Variants in CNBD1 observed in about 807,000 individuals in gnomAD.
The protein encoded by CNBD1 is cyclic nucleotide-binding domain-containing protein 1.
CNBD1 carries 71 observed loss-of-function variants against 54.4 expected under a neutral mutation model. That is an observed-to-expected ratio of 1.30 (90% CI 1.08 to 1.59). The LOEUF (loss-of-function observed/expected upper bound fraction) is 1.59. Among genes scored for constraint, CNBD1 ranks in the 40% most tolerant of loss-of-function variants. The pLI, the probability that CNBD1 is intolerant of heterozygous loss-of-function variation, is 0.00. For missense variants in CNBD1, 659 were observed against 518.0 expected (o/e 1.27, Z -2.64); for synonymous variants, 182 against 170.7 (o/e 1.07, Z -0.51).
intron 4 of CNBD1, among the ~76,000 whole-genome samples, chr8:87,136,408 A>G (rs923378429): frequency 1.5e-4 from 23 of 149,100 alleles, no homozygotes; most frequent in African/African-American, 5.2e-4. Flanking sequence ...GTAGATTTTT[A>G]TGGGAAATTT....
intron 2 of CNBD1, among the ~76,000 whole-genome samples, chr8:87,391,207 G>A (rs28812635): frequency 0.011 from 1,664 of 151,982 alleles, 40 homozygotes; most frequent in African/African-American, 0.038. Context: ...AAACCTGCAC[G>A]TTGTGCACAT....
At chr8:87,284,883 C>G in intron 7 of CNBD1, 68 bp downstream of exon 7, 1 of 1,131,744 alleles carries the variant, frequency 8.8e-7, no homozygotes, top group African/African-American at 1.6e-5. Context: ...TTTTGATTCT[C>G]TAGACAAAGA....
intron 4 of CNBD1, among the ~76,000 whole-genome samples, chr8:87,201,373 C>T (rs1279421380): frequency 6.6e-6 from 1 of 152,092 alleles, no homozygotes; most frequent in Non-Finnish European, 1.5e-5. Context: ...AGTGAATGTT[C>T]TAGTTAAGAC....
intron 10 of CNBD1, among the ~76,000 whole-genome samples, chr8:87,363,327 T>A (rs933693357): frequency 1.3e-5 from 2 of 152,152 alleles, no homozygotes; most frequent in Admixed American, 1.3e-4. Flanking sequence ...TGTGCCTTTA[T>A]AGTAGAATGA....
intron 4 of CNBD1, among the ~76,000 whole-genome samples, chr8:87,153,897 C>T (rs1202866331): frequency 6.6e-6 from 1 of 152,052 alleles, no homozygotes; most frequent in Non-Finnish European, 1.5e-5. Flanking sequence ...GTTAAGTAAG[C>T]AGAAGGTTTA....
intron 4 of CNBD1, among the ~76,000 whole-genome samples, chr8:87,156,978 C>T (rs1015782778): frequency 4.6e-5 from 7 of 152,028 alleles, no homozygotes; most frequent in Non-Finnish European, 8.8e-5. Context: ...TAAATTAGCA[C>T]CAATCAAAAC....
intron 2 of CNBD1, among the ~76,000 whole-genome samples, chr8:86,892,299 G>A (rs924264734): frequency 6.6e-6 from 1 of 151,902 alleles, no homozygotes; most frequent in Non-Finnish European, 1.5e-5. Context: ...ATGAACAGTT[G>A]GATACTTATA....
At chr8:87,175,866 G>T (rs183435335) in intron 4 of CNBD1, among the ~76,000 whole-genome samples, 75 of 152,302 alleles carry the variant, frequency 4.9e-4, no homozygotes, top group Non-Finnish European at 8.7e-4. Flanking sequence ...GTCTATGGTG[G>T]CCAGGCTTAC....
intron 2 of CNBD1, among the ~76,000 whole-genome samples, chr8:87,423,429 T>G (rs930877996): frequency 6.6e-6 from 1 of 151,838 alleles, no homozygotes; most frequent in Non-Finnish European, 1.5e-5. Flanking sequence ...AGATAGCTCT[T>G]ATTATTTTGA....
chr8:87,386,957 A>G (rs181294219), downstream of CNBD1, among the ~76,000 whole-genome samples: 550 of 152,338 alleles, frequency 3.6e-3, 2 homozygotes, highest in African/African-American at 0.012. Context: ...AAAATTCAAC[A>G]TTCTTAAGAA....
chr8:87,313,710 GAAAA>G (rs1367654687), intron 8 of CNBD1, among the ~76,000 whole-genome samples: 2 of 151,252 alleles, frequency 1.3e-5, no homozygotes, highest in Non-Finnish European at 3.0e-5. Context: ...AGATAGAAAA[GAAAA>G]AGAAATATGC....
chr8:87,371,418 T>C (rs1810792333), intron 10 of CNBD1, among the ~76,000 whole-genome samples: 1 of 152,050 alleles, frequency 6.6e-6, no homozygotes, highest in Non-Finnish European at 1.5e-5. Context: ...CAGTGGTTTG[T>C]AATTCTCCTT....
At chr8:87,356,588 C>T (rs957246471) in intron 10 of CNBD1, among the ~76,000 whole-genome samples, 1 of 151,338 alleles carries the variant, frequency 6.6e-6, no homozygotes, top group African/African-American at 2.5e-5. Context: ...GTGGGTGCAT[C>T]CAACAACGTA....
intron 5 of CNBD1, among the ~76,000 whole-genome samples, chr8:87,229,091 C>T (rs1814597566): frequency 6.6e-6 from 1 of 152,194 alleles, no homozygotes; most frequent in African/African-American, 2.4e-5. Context: ...TGAGGCAATG[C>T]CTCGCCCTGC....
chr8:87,406,471 CACACACACTT>C (rs1753364259), intron 2 of CNBD1, among the ~76,000 whole-genome samples: 1 of 137,182 alleles, frequency 7.3e-6, no homozygotes, highest in African/African-American at 3.2e-5. Flanking sequence ...CACACACACA[CACACACACTT>C]TTTTTTTTTT....
At chr8:86,916,711 ATTTT>A (rs894460034) in intron 3 of CNBD1, among the ~76,000 whole-genome samples, 1 of 147,306 alleles carries the variant, frequency 6.8e-6, no homozygotes, top group African/African-American at 2.5e-5. Flanking sequence ...TTTATTTTTT[ATTTT>A]TTTTTTGAAA....
chr8:87,015,242 G>A (rs934718300), intron 4 of CNBD1, among the ~76,000 whole-genome samples: 9 of 152,142 alleles, frequency 5.9e-5, no homozygotes, highest in Non-Finnish European at 1.2e-4. Flanking sequence ...GAGTGCAGTG[G>A]CACGATCTTG....
At chr8:87,121,091 G>C (rs1811880098) in intron 4 of CNBD1, among the ~76,000 whole-genome samples, 2 of 151,714 alleles carry the variant, frequency 1.3e-5, no homozygotes, top group African/African-American at 4.8e-5. Context: ...GAGTTATTCA[G>C]ATTTTTTATT....
chr8:87,007,148 G>C (rs1243068099), intron 4 of CNBD1, among the ~76,000 whole-genome samples: 1 of 149,858 alleles, frequency 6.7e-6, no homozygotes, highest in Non-Finnish European at 1.5e-5. Flanking sequence ...AGTGAACCAA[G>C]ATCACGCCAT....
Sources: gnomAD v4.1 joint callset for allele counts (sites outside exome capture counted in the v4.1 genomes callset) on GRCh38, gnomAD v4.1.1 for gene constraint, MANE v1.5 for transcripts, NCBI Gene and HGNC (gene_info 2026-07-23, HGNC 2026-07-21) for gene names.